Variants in FGF14 observed in about 807,000 individuals in gnomAD.
FGF14 encodes the protein fibroblast growth factor homologous factor 4.
Under a neutral mutation model 25.5 loss-of-function variants are expected in FGF14, and 5 were observed. The ratio of observed to expected loss-of-function variants is 0.20; its 90% CI spans 0.10 to 0.41. FGF14 has a LOEUF of 0.41. FGF14 is among the 10% of genes least tolerant of loss of function. The pLI is 1.00. For missense variants in FGF14, 222 were observed against 320.1 expected (o/e 0.69, Z 2.34); for synonymous variants, 138 against 118.3 (o/e 1.17, Z -1.08).
chr13:101,736,648 G>T (rs945848596), intron 3 of FGF14, among the ~76,000 whole-genome samples: 2 of 152,092 alleles, frequency 1.3e-5, no homozygotes, highest in South Asian at 2.1e-4. Context: ...CCAATTAAAG[G>T]AGAGCTAAGG....
chr13:102,239,967 G>A (rs1187554757), intron 1 of FGF14, among the ~76,000 whole-genome samples: 1 of 152,092 alleles, frequency 6.6e-6, no homozygotes, highest in Non-Finnish European at 1.5e-5. Context: ...AAATGCAAAG[G>A]ATATATTAGC....
At chr13:102,043,795 T>C (rs1040209195) in intron 1 of FGF14, among the ~76,000 whole-genome samples, 3 of 152,146 alleles carry the variant, frequency 2.0e-5, no homozygotes, top group African/African-American at 7.2e-5. Flanking sequence ...ATTTAACCTC[T>C]CTGGGTCTCA....
intron 3 of FGF14, among the ~76,000 whole-genome samples, chr13:101,747,974 G>A (rs375322934): frequency 4.7e-4 from 72 of 152,004 alleles, no homozygotes; most frequent in Non-Finnish European, 6.8e-4. Flanking sequence ...TGAAGGTGTC[G>A]GAGAGGATGC....
intron 1 of FGF14, among the ~76,000 whole-genome samples, chr13:101,901,917 A>G (rs2031609295): frequency 6.6e-6 from 1 of 152,206 alleles, no homozygotes. Flanking sequence ...TTACTGAGAC[A>G]TAATTAACAT....
Position 102,115,566 on chromosome 13 carries a change from G to A in FGF14, c.209-240270C>T, listed in dbSNP as rs115393384. On this transcript the variant is annotated intron_variant, in intron 1 of 4. Coordinates refer to the FGF14 transcript ENST00000376131. ...TCATGTCCTTTGCCCATTTGTTAAC[G>A]GGGTTGTTTTTTGCCTGCTGATTTC... Among the ~76,000 whole-genome samples the A allele has an allele frequency of 7.1e-3, 1,083 of 152,166 alleles. 12 individuals carry two copies. Among genetic ancestry groups the A allele is most frequent in the African/African-American group, 0.022 (918 of 41,512 alleles).
intron 3 of FGF14, among the ~76,000 whole-genome samples, chr13:101,853,388 T>C (rs753990960): frequency 1.3e-5 from 2 of 152,088 alleles, no homozygotes; most frequent in Non-Finnish European, 2.9e-5. Context: ...GTGAAAGCAA[T>C]AATAATATAC....
chr13:102,269,185 G>C (rs1180109280), intron 1 of FGF14, among the ~76,000 whole-genome samples: 1 of 152,206 alleles, frequency 6.6e-6, no homozygotes, highest in Non-Finnish European at 1.5e-5. Flanking sequence ...CTAAGTCCTA[G>C]GTGGAGACCA....
chr13:102,024,860 T>C (rs538982645), intron 1 of FGF14, among the ~76,000 whole-genome samples: 3 of 151,814 alleles, frequency 2.0e-5, no homozygotes, highest in African/African-American at 7.2e-5. Context: ...CCCCACTGAA[T>C]AGTCTTGGTA....
chr13:102,146,451 A>C (rs994430991), intron 1 of FGF14, among the ~76,000 whole-genome samples: 4 of 152,248 alleles, frequency 2.6e-5, no homozygotes, highest in Admixed American at 2.0e-4. Flanking sequence ...GAACTTAAAT[A>C]CAGCAATATG....
At chr13:102,176,812 C>T (rs1287275012) in intron 1 of FGF14, among the ~76,000 whole-genome samples, 1 of 152,036 alleles carries the variant, frequency 6.6e-6, no homozygotes, top group Non-Finnish European at 1.5e-5. Flanking sequence ...TGGTTTCATG[C>T]GTAAATGCAT....
At chr13:102,235,286 T>C (rs141083818) in intron 1 of FGF14, among the ~76,000 whole-genome samples, 17 of 152,356 alleles carry the variant, frequency 1.1e-4, no homozygotes, top group African/African-American at 3.4e-4. Context: ...CAGTGTGTCA[T>C]TAAAGTTTTA....
Position 101,714,116 on chromosome 13 carries a change from C to G in FGF14, c.*8715G>C, listed in dbSNP as rs141255953. The G allele has an allele frequency of 1.8e-3, 408 of 224,516 alleles. 1 individual carries two copies. Among genetic ancestry groups the G allele is most frequent in the African/African-American group, 8.6e-3 (384 of 44,402 alleles). The allele number at this position is 224,516 out of a possible 1,614,324, so 13.9% of individuals were successfully genotyped here. A position where few individuals can be genotyped will look rare whatever the true frequency, so the allele number is the denominator to read the frequency against. ...ATGATTCAATTTAGGAGGAAAAAATCTATTTTTGAATACTTTTTTGGAAGA... is the reference window on the plus strand; with the variant it reads ...ATGATTCAATTTAGGAGGAAAAAATGTATTTTTGAATACTTTTTTGGAAGA... On this transcript the variant is annotated 3_prime_UTR_variant, in exon 5 of 5. Transcript: ENST00000376143.
intron 1 of FGF14, among the ~76,000 whole-genome samples, chr13:101,977,593 T>G (rs530818577): frequency 9.2e-5 from 14 of 152,166 alleles, no homozygotes; most frequent in Non-Finnish European, 1.5e-4. Flanking sequence ...TTTATGTTTT[T>G]AATAGGATAC....
At chr13:101,811,308 T>C (rs1242347696) in intron 3 of FGF14, among the ~76,000 whole-genome samples, 1 of 152,204 alleles carries the variant, frequency 6.6e-6, no homozygotes, top group Non-Finnish European at 1.5e-5. Context: ...CATGGATCTT[T>C]TTCCTGTCTC....
chr13:101,770,885 A>C (rs527812661), intron 3 of FGF14, among the ~76,000 whole-genome samples: 36 of 152,270 alleles, frequency 2.4e-4, no homozygotes, highest in Non-Finnish European at 5.0e-4. Flanking sequence ...TCAAGGAACT[A>C]ACTTATTGAG....
At chr13:101,843,308 G>A (rs1442400638) in intron 3 of FGF14, among the ~76,000 whole-genome samples, 2 of 151,898 alleles carry the variant, frequency 1.3e-5, no homozygotes, top group Non-Finnish European at 2.9e-5. Context: ...TTTAGGGGGC[G>A]ATGTGTATTA....
At chr13:102,375,403 T>C (rs1358712367) in intron 1 of FGF14, among the ~76,000 whole-genome samples, 1 of 152,184 alleles carries the variant, frequency 6.6e-6, no homozygotes, top group Non-Finnish European at 1.5e-5. Flanking sequence ...AATAATAAAA[T>C]GTTTTAACTG....
chr13:102,122,171 C>T (rs1414506606), intron 1 of FGF14, among the ~76,000 whole-genome samples: 3 of 152,132 alleles, frequency 2.0e-5, no homozygotes, highest in Non-Finnish European at 4.4e-5. Context: ...AAATGCCATC[C>T]AACACACTGA....
At chr13:102,085,122 C>T (rs1010176097) in intron 1 of FGF14, among the ~76,000 whole-genome samples, 23 of 152,188 alleles carry the variant, frequency 1.5e-4, no homozygotes, top group Admixed American at 1.3e-4. Flanking sequence ...TCCTCTGCCC[C>T]CTTTGTGCAA....
Sources: allele counts gnomAD v4.1 joint callset (sites outside exome capture counted in the v4.1 genomes callset), GRCh38; gene constraint gnomAD v4.1.1; transcripts MANE v1.5; gene names NCBI Gene and HGNC (gene_info 2026-07-23, HGNC 2026-07-21).